Variants in CDH4 observed in about 807,000 individuals in gnomAD.
CDH4 encodes the protein cadherin 4.
In CDH4, 33 loss-of-function variants were observed where a neutral mutation model predicts 86.0. That is an observed-to-expected ratio of 0.38 (90% CI 0.29 to 0.51). The LOEUF (loss-of-function observed/expected upper bound fraction) is 0.51. Ranked by LOEUF, CDH4 falls within the 20% of genes least tolerant of loss-of-function variation. CDH4 has a pLI of 0.86. For missense variants in CDH4, 1,114 were observed against 1,307.4 expected (o/e 0.85, Z 2.28); for synonymous variants, 555 against 549.4 (o/e 1.01, Z -0.14).
intron 2 of CDH4, among the ~76,000 whole-genome samples, chr20:61,610,790 C>G (rs527531075): frequency 6.6e-6 from 1 of 152,302 alleles, no homozygotes; most frequent in East Asian, 1.9e-4. Flanking sequence ...GCCTGTCCTT[C>G]AGATACGAAT....
intron 2 of CDH4, among the ~76,000 whole-genome samples, chr20:61,459,156 T>C (rs1184391981): frequency 6.6e-6 from 1 of 151,756 alleles, no homozygotes; most frequent in East Asian, 1.9e-4. Context: ...TGGTGTTGCC[T>C]GGTGGCTGCT....
Position 61,524,507 on chromosome 20 carries a change from CAG to C in CDH4, c.170-219053_170-219052del, listed in dbSNP as rs1272035851. On this transcript the variant is annotated intron_variant, in intron 2 of 15. Coordinates refer to ENST00000614565, the MANE Select transcript of CDH4 (RefSeq NM_001794.5). ...ATTACACTTTTTTTTTTTTTTAAGACAGAGTCTCACTCTGTCTCCCAGGCTGG... is the reference window on the plus strand; with the variant it reads ...ATTACACTTTTTTTTTTTTTTAAGACAGTCTCACTCTGTCTCCCAGGCTGG... Among the ~76,000 whole-genome samples the C allele has an allele frequency of 6.0e-5, 9 of 149,344 alleles. No homozygotes were observed. In the East Asian group the frequency reaches 9.9e-4, roughly 16 times the overall value.
chr20:61,641,125 C>G (rs1169742651), intron 2 of CDH4, among the ~76,000 whole-genome samples: 1 of 152,114 alleles, frequency 6.6e-6, no homozygotes, highest in Non-Finnish European at 1.5e-5. Flanking sequence ...GGGTGGGGCA[C>G]AGGAAGGCGG....
intron 2 of CDH4, among the ~76,000 whole-genome samples, chr20:61,495,446 G>A (rs2085654230): frequency 6.6e-6 from 1 of 152,176 alleles, no homozygotes; most frequent in Admixed American, 6.5e-5. Context: ...GGCTTCCTTG[G>A]TGGTAGCAGC....
chr20:61,369,309 G>C (rs1041807674), intron 2 of CDH4, among the ~76,000 whole-genome samples: 1 of 151,890 alleles, frequency 6.6e-6, no homozygotes, highest in Non-Finnish European at 1.5e-5. Flanking sequence ...AAATTAGCCA[G>C]GTGTGGTGGC....
At chr20:61,527,863 G>T (rs2085922295) in intron 2 of CDH4, among the ~76,000 whole-genome samples, 1 of 152,100 alleles carries the variant, frequency 6.6e-6, no homozygotes, top group Non-Finnish European at 1.5e-5. Context: ...GCAGCACTGG[G>T]CAGGAGAGCT....
At position 61,575,425 on chromosome 20, in the gene CDH4, C is replaced by T. The variant is rs1335588561; in HGVS notation, c.170-168138C>T. On this transcript the variant is annotated intron_variant, in intron 2 of 15. Coordinates refer to ENST00000614565, the MANE Select transcript of CDH4 (RefSeq NM_001794.5). Reference sequence around the variant, plus strand: ...AGGTTCTTCCTGTCAGATTCAGTGACACATTTCACAAATATTTGTTGGGTA... The same window carrying T: ...AGGTTCTTCCTGTCAGATTCAGTGATACATTTCACAAATATTTGTTGGGTA... Among the ~76,000 whole-genome samples the T allele has an allele frequency of 3.3e-5, 5 of 152,316 alleles. No individual in the cohort carries two copies. In the East Asian group the frequency reaches 9.6e-4, roughly 29 times the overall value.
chr20:61,720,587 G>T (rs976831012), intron 2 of CDH4, among the ~76,000 whole-genome samples: 1 of 149,942 alleles, frequency 6.7e-6, no homozygotes, highest in African/African-American at 2.5e-5. Context: ...TACAGAGTAG[G>T]GGTGTACAGT....
At chr20:61,881,490 C>T (rs949663048) in intron 7 of CDH4, among the ~76,000 whole-genome samples, 3 of 152,264 alleles carry the variant, frequency 2.0e-5, no homozygotes, top group East Asian at 1.9e-4. Context: ...GCCAGGATTA[C>T]GGCCCCACCT....
At chr20:61,818,723 G>C (rs548041940) in intron 4 of CDH4, among the ~76,000 whole-genome samples, 3 of 149,272 alleles carry the variant, frequency 2.0e-5, no homozygotes, top group African/African-American at 2.4e-5. Context: ...GTTGCTCTCC[G>C]CGTCTTGTAT....
intron 2 of CDH4, among the ~76,000 whole-genome samples, chr20:61,286,729 G>T (rs911408145): frequency 6.6e-6 from 1 of 152,224 alleles, no homozygotes; most frequent in Non-Finnish European, 1.5e-5. Flanking sequence ...GAAGAATCCC[G>T]AATAGCTGAC....
intron 2 of CDH4, among the ~76,000 whole-genome samples, chr20:61,431,935 T>G (rs2085249370): frequency 6.6e-6 from 1 of 152,206 alleles, no homozygotes; most frequent in Non-Finnish European, 1.5e-5. Flanking sequence ...GATACATGGA[T>G]GTCAGCTTGA....
At chr20:61,843,953 C>G (rs1216906244) in intron 4 of CDH4, among the ~76,000 whole-genome samples, 1 of 152,234 alleles carries the variant, frequency 6.6e-6, no homozygotes, top group Non-Finnish European at 1.5e-5. Flanking sequence ...CTGTGGTGGG[C>G]TGGTGACCAC....
At position 61,591,505 on chromosome 20, in the gene CDH4, G is replaced by GA. The variant is rs562088073; in HGVS notation, c.170-152049dup. On this transcript the variant is annotated intron_variant, in intron 2 of 15. Coordinates refer to ENST00000614565, the MANE Select transcript of CDH4 (RefSeq NM_001794.5). The stretch of plus-strand genomic sequence containing the variant: ...ATGCATTGTTTGGGTTGAAATAGAT[G>GA]AAAAAAAAATCAGCCTCACTCAGGT... Among the ~76,000 whole-genome samples the GA allele has an allele frequency of 6.6e-5, 10 of 151,272 alleles. No individual in the cohort carries two copies. The East Asian group carries it at 1.5e-3, about 23-fold the overall frequency.
chr20:61,572,866 T>TGGATGGATGGACGGAC (rs1221730212), intron 2 of CDH4, among the ~76,000 whole-genome samples: 54 of 150,596 alleles, frequency 3.6e-4, no homozygotes, highest in African/African-American at 1.2e-3. Context: ...GATGGATGGA[T>TGGATGGATGGACGGAC]GGACAGACAG....
intron 2 of CDH4, among the ~76,000 whole-genome samples, chr20:61,342,556 G>A (rs1236568454): frequency 2.0e-5 from 3 of 152,198 alleles, no homozygotes; most frequent in Non-Finnish European, 4.4e-5. Context: ...TGTGAGCCAG[G>A]GGGAGCAGCT....
intron 2 of CDH4, among the ~76,000 whole-genome samples, chr20:61,347,221 A>C (rs993342504): frequency 1.2e-4 from 18 of 152,208 alleles, no homozygotes; most frequent in African/African-American, 4.1e-4. Flanking sequence ...CCCTGCCCGC[A>C]TTCAGAAGAC....
intron 4 of CDH4, among the ~76,000 whole-genome samples, chr20:61,832,735 C>G (rs118143832): frequency 7.2e-5 from 11 of 152,242 alleles, no homozygotes; most frequent in East Asian, 1.9e-4. Context: ...CCTCTCAACA[C>G]CTGGGTATTA....
intron 2 of CDH4, among the ~76,000 whole-genome samples, chr20:61,277,112 C>G (rs898658374): frequency 1.3e-5 from 2 of 152,220 alleles, no homozygotes; most frequent in Non-Finnish European, 2.9e-5. Flanking sequence ...TAGCCCTTCC[C>G]TCATGTGTTC....
Sources: gnomAD v4.1 joint callset for allele counts (sites outside exome capture counted in the v4.1 genomes callset) on GRCh38, gnomAD v4.1.1 for gene constraint, MANE v1.5 for transcripts, NCBI Gene and HGNC (gene_info 2026-07-23, HGNC 2026-07-21) for gene names.